Variants in CSMD3 observed in about 807,000 individuals in gnomAD.
CSMD3 encodes the protein CUB and Sushi multiple domains 3, also known as CUB and sushi domain-containing protein 3.
A neutral mutation model predicts 435.2 loss-of-function variants in CSMD3; 177 were observed. The ratio of observed to expected loss-of-function variants is 0.41; its 90% CI spans 0.36 to 0.46. CSMD3 has a LOEUF of 0.46. CSMD3 is among the 20% of genes least tolerant of loss of function. The pLI is 0.34. For missense variants in CSMD3, 4,265 were observed against 4,504.6 expected (o/e 0.95, Z 1.52); for synonymous variants, 1,656 against 1,520.5 (o/e 1.09, Z -2.07).
At chr8:113,366,358 A>G (rs2094311357) in intron 1 of CSMD3, among the ~76,000 whole-genome samples, 1 of 151,998 alleles carries the variant, frequency 6.6e-6, no homozygotes, top group Non-Finnish European at 1.5e-5. Context: ...TTGCTTCTAT[A>G]GAGTACCTCA....
intron 13 of CSMD3, among the ~76,000 whole-genome samples, chr8:112,757,507 A>G (rs2077727545): frequency 6.6e-6 from 1 of 152,146 alleles, no homozygotes; most frequent in African/African-American, 2.4e-5. Context: ...ATATAGTAAC[A>G]GAAGCTCCCA....
chr8:113,207,983 A>G (rs2132061791), intron 3 of CSMD3, among the ~76,000 whole-genome samples: 1 of 152,312 alleles, frequency 6.6e-6, no homozygotes, highest in African/African-American at 2.4e-5. Flanking sequence ...ATATTTCTGC[A>G]CAATACTGAT....
intron 35 of CSMD3, 37 bp downstream of exon 35, chr8:112,406,476 TTATATAAACTA>T (rs1303956621): frequency 1.8e-5 from 24 of 1,323,290 alleles, no homozygotes; most frequent in Non-Finnish European, 2.2e-5. Context: ...TAACCAATTT[TTATATAAACTA>T]TGTATAATCA....
At chr8:113,095,105 C>T (rs1479774297) in intron 5 of CSMD3, among the ~76,000 whole-genome samples, 2 of 151,892 alleles carry the variant, frequency 1.3e-5, no homozygotes, top group Non-Finnish European at 2.9e-5. Context: ...CCCAAAACTA[C>T]GTGCATCTAT....
At chr8:113,203,812 C>T (rs1382545275) in intron 3 of CSMD3, among the ~76,000 whole-genome samples, 1 of 151,984 alleles carries the variant, frequency 6.6e-6, no homozygotes, top group African/African-American at 2.4e-5. Context: ...TAAACATGTA[C>T]TATTAAATTT....
At chr8:113,200,700 A>C (rs2092708072) in intron 3 of CSMD3, among the ~76,000 whole-genome samples, 1 of 151,130 alleles carries the variant, frequency 6.6e-6, no homozygotes, top group Non-Finnish European at 1.5e-5. Flanking sequence ...ATGAAGATGA[A>C]GCAAATCTAT....
chr8:112,249,605 C>A (rs1188961459), intron 63 of CSMD3, among the ~76,000 whole-genome samples: 1 of 152,066 alleles, frequency 6.6e-6, no homozygotes, highest in Non-Finnish European at 1.5e-5. Flanking sequence ...AAAGTTTGAC[C>A]TTATTATTCA....
intron 27 of CSMD3, among the ~76,000 whole-genome samples, chr8:112,532,167 T>C (rs1825606981): frequency 6.6e-6 from 1 of 151,884 alleles, no homozygotes; most frequent in Non-Finnish European, 1.5e-5. Flanking sequence ...GATAGGTTAT[T>C]TGAAAATACA....
rs550281708 is a variant in CSMD3, at chr8:113,305,731, A to G, written c.401+8840T>C. On this transcript the variant is annotated intron_variant, in intron 2 of 70. Coordinates refer to ENST00000297405, the MANE Select transcript of CSMD3 (RefSeq NM_198123.2). The stretch of plus-strand genomic sequence containing the variant: ...GTTGACCAAAAGTTTTAGAAATCCT[A>G]TCTGTCCTTGAGATCTATGCAATCA... Among the ~76,000 whole-genome samples the G allele has an allele frequency of 3.9e-5, 6 of 152,320 alleles. No individual in the cohort carries two copies. In the South Asian group the frequency reaches 1.0e-3, roughly 26 times the overall value.
chr8:112,476,420 G>A (rs1357400331), intron 31 of CSMD3, among the ~76,000 whole-genome samples: 1 of 152,106 alleles, frequency 6.6e-6, no homozygotes, highest in Admixed American at 6.6e-5. Flanking sequence ...TTAAGTAAGT[G>A]TGGGAAATAC....
intron 4 of CSMD3, among the ~76,000 whole-genome samples, chr8:113,104,630 A>C (rs914257940): frequency 2.0e-5 from 3 of 152,118 alleles, no homozygotes; most frequent in African/African-American, 4.8e-5. Context: ...GTCACGGTAC[A>C]ACAAATAATA....
intron 32 of CSMD3, among the ~76,000 whole-genome samples, chr8:112,451,993 C>T (rs1469658637): frequency 1.3e-5 from 2 of 152,048 alleles, no homozygotes; most frequent in Admixed American, 1.3e-4. Context: ...GTTTACATTT[C>T]CACCACTGAA....
At chr8:113,410,975 AAAGGAAGGAAGG>A (rs1308777622) in intron 1 of CSMD3, among the ~76,000 whole-genome samples, 1 of 144,576 alleles carries the variant, frequency 6.9e-6, no homozygotes, top group Non-Finnish European at 1.5e-5. Flanking sequence ...AGGGAGGAAG[AAAGGAAGGAAGG>A]AAAAGAAAGA....
At chr8:113,414,685 G>A (rs2094574381) in intron 1 of CSMD3, among the ~76,000 whole-genome samples, 1 of 149,824 alleles carries the variant, frequency 6.7e-6, no homozygotes. Flanking sequence ...TACTGGGAGG[G>A]CACAGTGGCT....
intron 45 of CSMD3, among the ~76,000 whole-genome samples, chr8:112,322,223 A>G (rs1823064689): frequency 1.3e-5 from 2 of 152,196 alleles, no homozygotes; most frequent in East Asian, 1.9e-4. Context: ...ACACTTTTTT[A>G]TGTGGAATCC....
chr8:112,557,276 A>G (rs1213385729), intron 24 of CSMD3, among the ~76,000 whole-genome samples: 3 of 151,988 alleles, frequency 2.0e-5, no homozygotes, highest in African/African-American at 7.2e-5. Context: ...ATGATATAAC[A>G]ACAAGTATAT....
At chr8:113,279,980 G>A (rs199890467) in intron 2 of CSMD3, among the ~76,000 whole-genome samples, 2 of 151,676 alleles carry the variant, frequency 1.3e-5, no homozygotes, top group African/African-American at 4.8e-5. Flanking sequence ...ATTGACTTAC[G>A]TATGTTAAAC....
intron 3 of CSMD3, among the ~76,000 whole-genome samples, chr8:113,235,617 C>G (rs1036944320): frequency 6.6e-6 from 1 of 151,992 alleles, no homozygotes; most frequent in Non-Finnish European, 1.5e-5. Flanking sequence ...TTAAGGAAGA[C>G]AGAGAGAGCT....
chr8:112,800,751 T>G (rs1427245052), intron 12 of CSMD3, among the ~76,000 whole-genome samples: 1 of 152,036 alleles, frequency 6.6e-6, no homozygotes, highest in Non-Finnish European at 1.5e-5. Flanking sequence ...ACACAAGCCT[T>G]AAAATATAGT....
Sources: allele counts gnomAD v4.1 joint callset (sites outside exome capture counted in the v4.1 genomes callset), GRCh38; gene constraint gnomAD v4.1.1; transcripts MANE v1.5; gene names NCBI Gene and HGNC (gene_info 2026-07-23, HGNC 2026-07-21).